THSD7A: variants seen among roughly 807,000 people sequenced by gnomAD.
THSD7A encodes thrombospondin type 1 domain containing 7A, also known as thrombospondin type-1 domain-containing protein 7A.
Under a neutral mutation model 231.3 loss-of-function variants are expected in THSD7A, and 96 were observed. The ratio of observed to expected loss-of-function variants is 0.41; its 90% CI spans 0.35 to 0.49. The LOEUF (loss-of-function observed/expected upper bound fraction) is 0.49, where lower values mean the gene tolerates loss of function less well. THSD7A is among the 20% of genes least tolerant of loss of function. THSD7A has a pLI of 0.05. For missense variants in THSD7A, 2,290 were observed against 2,070.2 expected (o/e 1.11, Z -2.06); for synonymous variants, 940 against 743.3 (o/e 1.26, Z -4.30).
At chr7:11,647,992 T>G (rs1782348432) in intron 1 of THSD7A, among the ~76,000 whole-genome samples, 1 of 152,126 alleles carries the variant, frequency 6.6e-6, no homozygotes, top group Non-Finnish European at 1.5e-5. Flanking sequence ...AGATGCTGCC[T>G]GATGGGCATT....
intron 1 of THSD7A, among the ~76,000 whole-genome samples, chr7:11,688,093 A>G (rs1179714174): frequency 8.7e-6 from 1 of 115,010 alleles, no homozygotes; most frequent in South Asian, 3.2e-4. Flanking sequence ...CCGGTGTGTG[A>G]TGTTCCCCTT....
chr7:11,788,395 C>A (rs549487254), intron 1 of THSD7A, among the ~76,000 whole-genome samples: 2 of 152,046 alleles, frequency 1.3e-5, no homozygotes, highest in East Asian at 3.9e-4. Context: ...TATATCCTCC[C>A]AGGTTTATAT....
In THSD7A at chr7:11,656,109, A is replaced by C. The variant is rs530667403; in HGVS notation, c.191-19148T>G. 3.3e-5 allele frequency among the ~76,000 whole-genome samples: 5 copies of C among 151,912 alleles called. No homozygotes were observed. The South Asian group carries it at 8.3e-4, about 25-fold the overall frequency. ...TCCCCTCAGGAGGCTATAATATTCC[A>C]TTTTACAGTTCAAAATTGACAGCAT... On this transcript the variant is annotated intron_variant, in intron 1 of 27. Transcript: ENST00000423059.
At chr7:11,436,878 T>A (rs918822060) in intron 13 of THSD7A, among the ~76,000 whole-genome samples, 2 of 152,064 alleles carry the variant, frequency 1.3e-5, no homozygotes, top group African/African-American at 2.4e-5. Flanking sequence ...ATAAATTTCC[T>A]GTTTTATAAA....
intron 1 of THSD7A, among the ~76,000 whole-genome samples, chr7:11,696,154 A>C (rs1284844856): frequency 1.3e-5 from 2 of 151,454 alleles, no homozygotes; most frequent in East Asian, 3.9e-4. Context: ...CAAAATAGAC[A>C]CATTGTATTG....
intron 2 of THSD7A, among the ~76,000 whole-genome samples, chr7:11,598,471 GC>G (rs1348612496): frequency 1.3e-5 from 2 of 152,164 alleles, no homozygotes; most frequent in Admixed American, 6.5e-5. Flanking sequence ...GGCCATAGTG[GC>G]ACAGATGGAG....
In THSD7A at chr7:11,590,744, T is replaced by A. The variant is rs1244789465; in HGVS notation, c.1272-103A>T. On this transcript the variant is annotated intron_variant, in intron 3 of 27. Coordinates refer to ENST00000423059, the MANE Select transcript of THSD7A (RefSeq NM_015204.3). This position sits in a 1 kb window ranked among gnomAD's most constrained non-coding sequence, Gnocchi z 4.4. ...TAACGAAAATTAGTCTCAAAATCAT[T>A]TTCCTAGAGAATCCATCGTAGACTA... The A allele has an allele frequency of 1.9e-5, 25 of 1,324,742 alleles. No homozygotes were observed. Among genetic ancestry groups the A allele is most frequent in the Admixed American group, 1.6e-4 (6 of 36,758 alleles). 82.1% of individuals were successfully genotyped at this position (1,324,742 alleles called of 1,614,324 possible).
intron 4 of THSD7A, among the ~76,000 whole-genome samples, chr7:11,550,902 C>T (rs1408642832): frequency 6.6e-6 from 1 of 151,928 alleles, no homozygotes. Context: ...CAACCCTAAG[C>T]AAAAAGAACA....
At chr7:11,576,051 C>T (rs570861536) in intron 4 of THSD7A, among the ~76,000 whole-genome samples, 22 of 152,270 alleles carry the variant, frequency 1.4e-4, no homozygotes, top group Middle Eastern at 3.4e-3. Context: ...TTCCTTTCTA[C>T]ATTGGCTATT....
chr7:11,393,722 C>CA (rs1219663517), intron 23 of THSD7A, among the ~76,000 whole-genome samples: 1 of 152,086 alleles, frequency 6.6e-6, no homozygotes, highest in Non-Finnish European at 1.5e-5. Flanking sequence ...GAAGCATACA[C>CA]AAGTATCAAT....
intron 1 of THSD7A, among the ~76,000 whole-genome samples, chr7:11,691,365 CAG>C (rs1780225147): frequency 6.6e-6 from 1 of 151,346 alleles, no homozygotes; most frequent in Non-Finnish European, 1.5e-5. Context: ...GATATCAAAA[CAG>C]AGTACAATAG....
intron 4 of THSD7A, among the ~76,000 whole-genome samples, chr7:11,581,422 A>G (rs1791159062): frequency 6.6e-6 from 1 of 152,086 alleles, no homozygotes; most frequent in Non-Finnish European, 1.5e-5. Context: ...AGACACCAAT[A>G]TACACCATGA....
chr7:11,453,831 C>A (rs1785220309), intron 11 of THSD7A, among the ~76,000 whole-genome samples: 1 of 151,954 alleles, frequency 6.6e-6, no homozygotes, highest in Non-Finnish European at 1.5e-5. Context: ...CTTCTTAGGG[C>A]AGTTGTAAAG....
intron 14 of THSD7A, 129 bp downstream of exon 14, chr7:11,428,818 G>T (rs1784396888): frequency 6.2e-6 from 6 of 971,462 alleles, no homozygotes; most frequent in Non-Finnish European, 9.2e-6. Flanking sequence ...ATTTATTCAG[G>T]CATTCTAATG....
intron 4 of THSD7A, among the ~76,000 whole-genome samples, chr7:11,556,387 A>G (rs1789845819): frequency 6.6e-6 from 1 of 151,748 alleles, no homozygotes; most frequent in Non-Finnish European, 1.5e-5. Context: ...GTTCAACTAA[A>G]GTATAGAAAT....
At chr7:11,823,956 T>G (rs536200657) in intron 1 of THSD7A, among the ~76,000 whole-genome samples, 3 of 151,772 alleles carry the variant, frequency 2.0e-5, no homozygotes, top group African/African-American at 7.2e-5. Flanking sequence ...AACAGTAGTG[T>G]TTTTTAAAAA....
intron 14 of THSD7A, 45 bp from the exon 15 acceptor site, chr7:11,426,716 G>A (rs1218550862): frequency 5.2e-6 from 8 of 1,544,048 alleles, no homozygotes; most frequent in Non-Finnish European, 7.0e-6. Flanking sequence ...AGAGAAATAA[G>A]GTAGGTGAAA....
intron 1 of THSD7A, among the ~76,000 whole-genome samples, chr7:11,681,143 T>C (rs1377514029): frequency 3.0e-4 from 46 of 151,588 alleles, no homozygotes; most frequent in Admixed American, 3.0e-3. Context: ...TAAGTGGGAG[T>C]TGAACAATGA....
intron 1 of THSD7A, among the ~76,000 whole-genome samples, chr7:11,699,932 G>A (rs1209102835): frequency 2.0e-5 from 3 of 151,224 alleles, no homozygotes; most frequent in Non-Finnish European, 4.4e-5. Context: ...GTCTTACCCT[G>A]GACGAAATCT....
Sources: gnomAD v4.1 joint callset for allele counts (sites outside exome capture counted in the v4.1 genomes callset) on GRCh38, gnomAD v4.1.1 for gene constraint, Gnocchi (gnomAD v3.1) non-coding constraint, MANE v1.5 for transcripts, NCBI Gene and HGNC (gene_info 2026-07-23, HGNC 2026-07-21) for gene names.